The following TEC variants were observed in gnomAD, a reference collection of about 807,000 sequenced individuals.
The protein encoded by TEC is tyrosine-protein kinase Tec.
In TEC, 72 loss-of-function variants were observed where a neutral mutation model predicts 93.0. That is an observed-to-expected ratio of 0.77 (90% confidence interval 0.64 to 0.94). The LOEUF is 0.94. Ranked by LOEUF, TEC falls within the 40% of genes least tolerant of loss-of-function variation. The pLI is 0.00. For synonymous variants in TEC, 249 were observed against 247.7 expected, an observed-to-expected ratio of 1.01 and a Z score of -0.05; for missense variants, 630 against 757.9, an observed-to-expected ratio of 0.83 and a Z score of 1.98.
intron 2 of TEC, among the ~76,000 whole-genome samples, chr4:48,179,507 G>GC (rs1297271444): frequency 6.8e-6 from 1 of 147,868 alleles, no homozygotes; most frequent in Non-Finnish European, 1.5e-5. Context: ...TCCTGCCTTA[G>GC]CCCCCCAAGT....
At chr4:48,189,456 C>A (rs1004440373) in intron 2 of TEC, among the ~76,000 whole-genome samples, 6 of 152,106 alleles carry the variant, frequency 3.9e-5, no homozygotes, top group Non-Finnish European at 5.9e-5. Context: ...ATCCAAAATG[C>A]CTACTTATTC....
At chr4:48,177,423 A>T (rs1961975) in intron 2 of TEC, among the ~76,000 whole-genome samples, 55,133 of 151,992 alleles carry the variant, frequency 0.36, 11,192 homozygotes, top group East Asian at 0.9. Flanking sequence ...GGCCTTAGTC[A>T]CTGAAAATTC....
intron 14 of TEC, among the ~76,000 whole-genome samples, chr4:48,142,050 T>C (rs1449056267): frequency 6.6e-6 from 1 of 152,266 alleles, no homozygotes; most frequent in African/African-American, 2.4e-5. Context: ...TTACTGACAA[T>C]GAGAACATCT....
At chr4:48,219,592 T>G (rs1347063569) in intron 2 of TEC, among the ~76,000 whole-genome samples, 1 of 152,190 alleles carries the variant, frequency 6.6e-6, no homozygotes, top group East Asian at 1.9e-4. Context: ...GAGAAGAAAA[T>G]GCTGACGTGT....
Position 48,149,687 on chromosome 4 carries a change from T to G in TEC, c.876A>C (p.Glu292Asp), listed in dbSNP as rs1322673151. 1.2e-6 allele frequency: 2 copies of G among 1,600,476 alleles called. No homozygotes were observed. The highest frequency in any genetic ancestry group is 1.7e-6 in the Non-Finnish European group (2 of 1,176,120). Reference sequence around the variant, plus strand: ...GATAATGCCTAAAACCCGATGAACCTTCTCTAGAACAAAAATCAAAATGTG... The same window carrying G: ...GATAATGCCTAAAACCCGATGAACCGTCTCTAGAACAAAAATCAAAATGTG... ...TVSLYTKFGG[E>D]GSSGFRHYHI... is the part of the protein sequence containing the mutation. Residue 292 changes from glutamate to aspartate, a missense_variant, in exon 11 of 18, where the codon GAA (glutamate) becomes GAC (aspartate). This residue lies in a region of TEC where 335 missense variants were observed against 351.5 expected (regional missense o/e 0.95). Transcript: ENST00000381501.
intron 2 of TEC, among the ~76,000 whole-genome samples, chr4:48,223,724 G>A (rs933713396): frequency 2.6e-5 from 4 of 152,214 alleles, no homozygotes; most frequent in Non-Finnish European, 5.9e-5. Context: ...TCCTTGCCTG[G>A]CATCTGGGAA....
At chr4:48,249,768 A>G (rs1190974454) in intron 1 of TEC, among the ~76,000 whole-genome samples, 2 of 152,232 alleles carry the variant, frequency 1.3e-5, no homozygotes, top group Non-Finnish European at 2.9e-5. Context: ...TCCTTTCAGT[A>G]TTATTTCTGC....
intron 2 of TEC, among the ~76,000 whole-genome samples, chr4:48,211,189 C>A (rs999156362): frequency 6.6e-6 from 1 of 152,224 alleles, no homozygotes; most frequent in Non-Finnish European, 1.5e-5. Context: ...CCTAACTTCA[C>A]AGAAATTCTG....
intron 1 of TEC, among the ~76,000 whole-genome samples, chr4:48,236,599 A>G (rs1178894738): frequency 6.6e-6 from 1 of 152,208 alleles, no homozygotes; most frequent in East Asian, 1.9e-4. Flanking sequence ...TCTTTTTTAA[A>G]TAAAACTCGA....
Position 48,167,868 on chromosome 4 carries a change from T to C in TEC, c.581A>G (p.Glu194Gly). The change falls in exon 7 of 18, where the codon GAA becomes GGA. Residue 194 changes from glutamate to glycine, a missense_variant. Around this residue, in one of 3 missense-constraint regions of TEC, gnomAD observed 335 missense variants for 351.5 expected, o/e 0.95. Transcript: ENST00000381501. ...TCTCTCTAATCTGAGATCATGTCCTTCTGCTGCTTGGAAATCATACATGGC... is the reference window on the plus strand; with the variant it reads ...TCTCTCTAATCTGAGATCATGTCCTCCTGCTGCTTGGAAATCATACATGGC... Reference protein sequence around the residue: ...VVAMYDFQAAEGHDLRLERGQ... With the variant: ...VVAMYDFQAAGGHDLRLERGQ... 1 of 1,613,934 alleles carries C rather than the reference T, an allele frequency of 6.2e-7. No homozygotes were observed. Among genetic ancestry groups the C allele is most frequent in the Non-Finnish European group, 8.5e-7 (1 of 1,179,894 alleles).
chr4:48,169,548 C>T (rs750895147), intron 5 of TEC, among the ~76,000 whole-genome samples: 15 of 152,108 alleles, frequency 9.9e-5, no homozygotes, highest in Non-Finnish European at 1.9e-4. Context: ...TACAGCATCC[C>T]TGCCAAGTAG....
At chr4:48,265,312 C>A (rs1724603995) in intron 1 of TEC, among the ~76,000 whole-genome samples, 1 of 150,636 alleles carries the variant, frequency 6.6e-6, no homozygotes, top group Non-Finnish European at 1.5e-5. Context: ...TAGCCAATAT[C>A]TGAACAATAT....
intron 3 of TEC, among the ~76,000 whole-genome samples, chr4:48,174,493 T>C (rs138832258): frequency 0.013 from 2,025 of 152,190 alleles, 46 homozygotes; most frequent in African/African-American, 0.043. Flanking sequence ...ACCCTGTCTC[T>C]ACTAAAAATA....
chr4:48,243,179 C>A (rs1465711350), intron 1 of TEC, among the ~76,000 whole-genome samples: 1 of 151,954 alleles, frequency 6.6e-6, no homozygotes, highest in Non-Finnish European at 1.5e-5. Flanking sequence ...TCCCGAAGAT[C>A]TTTTTTTTCC....
In TEC at chr4:48,166,005, G is replaced by C. The variant is rs1560384978; in HGVS notation, c.671+1773C>G. Among the ~76,000 whole-genome samples, 3 of 152,230 alleles carry C rather than the reference G, an allele frequency of 2.0e-5. No homozygotes were observed. The South Asian group carries it at 6.2e-4, about 32-fold the overall frequency. Reference sequence around the variant, plus strand: ...CCCATGCTCCTTTCTGGGTAACTAGGACCCCAGAACACCCTGCTCATTTCC... The same window carrying C: ...CCCATGCTCCTTTCTGGGTAACTAGCACCCCAGAACACCCTGCTCATTTCC... On this transcript the variant is annotated intron_variant, in intron 7 of 17. Coordinates refer to ENST00000381501, the MANE Select transcript of TEC (RefSeq NM_003215.3).
chr4:48,170,779 A>G (rs1043060961), intron 4 of TEC, among the ~76,000 whole-genome samples: 1 of 152,306 alleles, frequency 6.6e-6, no homozygotes, highest in South Asian at 2.1e-4. Context: ...GGCCGGGTGC[A>G]GCGGCTCATG....
chr4:48,179,352 ATATATATATATATATATATATATATTTT>A (rs1374465142), intron 2 of TEC, among the ~76,000 whole-genome samples: 2 of 28,176 alleles, frequency 7.1e-5, no homozygotes, highest in African/African-American at 3.1e-4. Flanking sequence ...ATATATATAT[ATATATATATATATATATATATATATTTT>A]TTTTTTTTTT....
At chr4:48,147,528 T>C (rs994318627) in intron 11 of TEC, among the ~76,000 whole-genome samples, 4 of 152,174 alleles carry the variant, frequency 2.6e-5, no homozygotes, top group Non-Finnish European at 5.9e-5. Flanking sequence ...TTGTCAGCAA[T>C]TTTTTTCCTT....
intron 1 of TEC, among the ~76,000 whole-genome samples, chr4:48,232,252 GTGCT>G (rs1421181230): frequency 4.6e-5 from 7 of 151,706 alleles, no homozygotes; most frequent in Non-Finnish European, 2.9e-5. Context: ...TCACGCCATT[GTGCT>G]ACAGTCTGAG....
Sources: gnomAD v4.1 joint callset for allele counts (sites outside exome capture counted in the v4.1 genomes callset) on GRCh38, gnomAD v4.1.1 for gene constraint, gnomAD v4.1.1 regional missense constraint, MANE v1.5 for transcripts, NCBI Gene and HGNC (gene_info 2026-07-23, HGNC 2026-07-21) for gene names.